Variants in TMEM132B observed in about 807,000 individuals in gnomAD.
The protein encoded by TMEM132B is transmembrane protein 132B.
Under a neutral mutation model 90.8 loss-of-function variants are expected in TMEM132B, and 18 were observed. That is an observed-to-expected ratio of 0.20 (90% CI 0.14 to 0.29). TMEM132B has a LOEUF of 0.29. TMEM132B is among the 10% of genes least tolerant of loss of function. The pLI is 1.00. For missense variants in TMEM132B, 1,096 were observed against 1,326.8 expected (o/e 0.83, Z 2.70); for synonymous variants, 504 against 523.3 (o/e 0.96, Z 0.50).
chr12:125,623,544 C>A (rs1466580532), intron 5 of TMEM132B, among the ~76,000 whole-genome samples: 1 of 151,994 alleles, frequency 6.6e-6, no homozygotes, highest in East Asian at 1.9e-4. Flanking sequence ...TTATGGGGGT[C>A]ATTGAGGCCT....
intron 1 of TMEM132B, among the ~76,000 whole-genome samples, chr12:125,319,018 A>G (rs1197302138): frequency 1.3e-5 from 2 of 152,214 alleles, no homozygotes; most frequent in African/African-American, 4.8e-5. Context: ...AGGCCATGAT[A>G]TAATCCTGGG....
At chr12:125,411,857 C>T (rs938182188) in intron 2 of TMEM132B, among the ~76,000 whole-genome samples, 1 of 152,158 alleles carries the variant, frequency 6.6e-6, no homozygotes, top group African/African-American at 2.4e-5. Context: ...GTGCAGCCTG[C>T]AGGTGCTGGG....
At chr12:125,480,680 AC>A (rs1882014666) in intron 3 of TMEM132B, among the ~76,000 whole-genome samples, 1 of 152,230 alleles carries the variant, frequency 6.6e-6, no homozygotes, top group Admixed American at 6.5e-5. Flanking sequence ...TACCAGAGGT[AC>A]AAAGAAGAGC....
chr12:125,187,087 G>A (rs1420741328), intron 1 of TMEM132B, among the ~76,000 whole-genome samples: 3 of 152,282 alleles, frequency 2.0e-5, no homozygotes, highest in Non-Finnish European at 2.9e-5. Context: ...GCTTCCTTGC[G>A]GATCCTTTCG....
In TMEM132B at chr12:125,213,383, C is replaced by T. The variant is rs1304654656; in HGVS notation, c.67+26517C>T. On this transcript the variant is annotated intron_variant, in intron 1 of 8. Transcript: ENST00000682704. This position sits in a 1 kb window ranked among gnomAD's most constrained non-coding sequence, Gnocchi z 4.2. ...ATATTGTGAATAGCACTGCTGAGAA[C>T]ATTTGTGTACAAGTATTTGTTTGAG... 2.6e-5 allele frequency among the ~76,000 whole-genome samples: 4 copies of T among 152,198 alleles called. No individual in the cohort carries two copies. The highest frequency in any genetic ancestry group is 4.4e-5 in the Non-Finnish European group (3 of 68,040).
intron 4 of TMEM132B, among the ~76,000 whole-genome samples, chr12:125,554,160 A>C (rs959307855): frequency 6.6e-6 from 1 of 152,106 alleles, no homozygotes; most frequent in Admixed American, 6.5e-5. Context: ...GCGGTGGCTC[A>C]CGCCTGTAAT....
chr12:125,555,868 C>T (rs1884372444), intron 4 of TMEM132B, among the ~76,000 whole-genome samples: 2 of 152,068 alleles, frequency 1.3e-5, no homozygotes, highest in South Asian at 2.1e-4. Context: ...AAAATACGTA[C>T]GTGTATTTTG....
intron 2 of TMEM132B, among the ~76,000 whole-genome samples, chr12:125,396,779 T>G (rs1411797581): frequency 2.6e-5 from 4 of 152,134 alleles, no homozygotes; most frequent in Admixed American, 2.6e-4. Flanking sequence ...AGTGCTTGGA[T>G]TACAGGCATG....
intron 1 of TMEM132B, among the ~76,000 whole-genome samples, chr12:125,295,709 A>G (rs67211505): frequency 0.21 from 32,016 of 152,026 alleles, 3,558 homozygotes; most frequent in South Asian, 0.26. Context: ...ACCATGTTGT[A>G]CTTAAAGCCA....
chr12:125,557,202 C>A (rs1884411647), intron 4 of TMEM132B, among the ~76,000 whole-genome samples: 1 of 152,002 alleles, frequency 6.6e-6, no homozygotes, highest in Non-Finnish European at 1.5e-5. Flanking sequence ...TTGTATATTT[C>A]CATCCCTTTA....
intron 3 of TMEM132B, among the ~76,000 whole-genome samples, chr12:125,429,078 A>G (rs997540611): frequency 1.3e-5 from 2 of 152,112 alleles, no homozygotes; most frequent in African/African-American, 4.8e-5. Flanking sequence ...CTCACTCTAT[A>G]CCCAGTTTTC....
intron 3 of TMEM132B, among the ~76,000 whole-genome samples, chr12:125,494,901 T>TC (rs1882501236): frequency 4.1e-5 from 1 of 24,288 alleles, no homozygotes; most frequent in Non-Finnish European, 7.5e-5. Context: ...TGCGTCCCTC[T>TC]CCCCCCTCCT....
At chr12:125,570,469 C>G (rs978612004) in intron 4 of TMEM132B, among the ~76,000 whole-genome samples, 2 of 152,234 alleles carry the variant, frequency 1.3e-5, no homozygotes, top group African/African-American at 4.8e-5. Context: ...CTTCTTCCAT[C>G]TGTTGTCACC....
chr12:125,494,226 C>T (rs1364491116), intron 3 of TMEM132B, among the ~76,000 whole-genome samples: 8 of 131,048 alleles, frequency 6.1e-5, no homozygotes, highest in East Asian at 2.6e-4. Context: ...CCTCTCCCTC[C>T]TCCCTGGAAA....
intron 1 of TMEM132B, among the ~76,000 whole-genome samples, chr12:125,283,890 T>C (rs1875271797): frequency 6.6e-6 from 1 of 152,194 alleles, no homozygotes; most frequent in Admixed American, 6.5e-5. Context: ...AGATCAACCC[T>C]CTCATTTTAC....
chr12:125,593,364 C>T lies in TMEM132B; in HGVS notation c.1437+9370C>T, dbSNP rs543524135. Among the ~76,000 whole-genome samples the T allele has an allele frequency of 1.2e-4, 18 of 152,340 alleles. No individual in the cohort carries two copies. The South Asian group carries it at 3.7e-3, about 32-fold the overall frequency. ...TGGCATCTCTAATTAAGAACCAACA[C>T]TCTGGAATTGTTTCTGCATAATTCA... On this transcript the variant is annotated intron_variant, in intron 5 of 8. Transcript: ENST00000682704.
intron 4 of TMEM132B, among the ~76,000 whole-genome samples, chr12:125,540,685 C>T (rs1006299089): frequency 1.3e-5 from 2 of 152,236 alleles, no homozygotes; most frequent in Non-Finnish European, 2.9e-5. Flanking sequence ...CTACTCAAGT[C>T]CACCAGCATC....
At chr12:125,602,504 A>G (rs1022491904) in intron 5 of TMEM132B, among the ~76,000 whole-genome samples, 4 of 152,240 alleles carry the variant, frequency 2.6e-5, no homozygotes, top group Non-Finnish European at 4.4e-5. Flanking sequence ...CACAGCCAGT[A>G]TCATACTGAA....
intron 4 of TMEM132B, among the ~76,000 whole-genome samples, chr12:125,519,910 C>T (rs987243115): frequency 6.6e-6 from 1 of 152,118 alleles, no homozygotes; most frequent in African/African-American, 2.4e-5. Flanking sequence ...GAGTGCTGCG[C>T]TGAGTGAAAA....
Sources: allele counts gnomAD v4.1 joint callset (sites outside exome capture counted in the v4.1 genomes callset), GRCh38; gene constraint gnomAD v4.1.1; non-coding constraint Gnocchi (gnomAD v3.1); transcripts MANE v1.5; gene names NCBI Gene and HGNC (gene_info 2026-07-23, HGNC 2026-07-21).